The following ARFGEF2 variants were observed in gnomAD, a reference collection of about 807,000 sequenced individuals.
The protein encoded by ARFGEF2 is ARF guanine nucleotide exchange factor 2, also known as brefeldin A-inhibited guanine nucleotide-exchange protein 2.
In ARFGEF2, 74 loss-of-function variants were observed where a neutral mutation model predicts 219.9. The observed-to-expected ratio is 0.34, with a 90% CI of 0.28 to 0.41. The LOEUF (loss-of-function observed/expected upper bound fraction) is 0.41. Ranked by LOEUF, ARFGEF2 falls within the 10% of genes least tolerant of loss-of-function variation. The pLI, the probability that ARFGEF2 is intolerant of heterozygous loss-of-function variation, is 1.00. For missense variants in ARFGEF2, 1,743 were observed against 2,218.3 expected (o/e 0.79, Z 4.30); for synonymous variants, 733 against 799.2 (o/e 0.92, Z 1.40).
chr20:48,922,147 A>G (rs1235494150), intron 1 of ARFGEF2, 137 bp downstream of exon 1: 10 of 1,341,708 alleles, frequency 7.5e-6, no homozygotes, highest in Middle Eastern at 5.4e-4. Flanking sequence ...CCTCCTCCTC[A>G]TTATACCCCC....
chr20:49,012,108 A>G, intron 28 of ARFGEF2, 24 bp downstream of exon 28: 1 of 1,614,132 alleles, frequency 6.2e-7, no homozygotes, highest in Non-Finnish European at 8.5e-7. Context: ...CACCTTACTC[A>G]GATGGGCAGT....
intron 25 of ARFGEF2, among the ~76,000 whole-genome samples, 187 bp downstream of exon 25, chr20:48,998,692 A>G (rs1471724920): frequency 6.6e-6 from 1 of 152,236 alleles, no homozygotes; most frequent in African/African-American, 2.4e-5. Flanking sequence ...TTCATGTAGA[A>G]TGAATTAAAA....
chr20:48,955,122 C>T (rs1306726774), intron 6 of ARFGEF2, among the ~76,000 whole-genome samples: 1 of 152,144 alleles, frequency 6.6e-6, no homozygotes, highest in East Asian at 1.9e-4. Flanking sequence ...TTTGGTAATT[C>T]CCCATCCTGT....
At chr20:49,021,568 C>A (rs960552922) in intron 34 of ARFGEF2, among the ~76,000 whole-genome samples, 6 of 152,026 alleles carry the variant, frequency 3.9e-5, no homozygotes, top group African/African-American at 1.5e-4. Flanking sequence ...ATTGTTGGGG[C>A]CGGGCGCGGT....
intron 35 of ARFGEF2, among the ~76,000 whole-genome samples, chr20:49,023,829 C>T (rs1205076157): frequency 4.6e-5 from 7 of 152,106 alleles, no homozygotes; most frequent in Non-Finnish European, 7.4e-5. Context: ...TGAGCCACCG[C>T]GCCCGGCCTG....
chr20:48,999,746 T>TAAA lies in ARFGEF2; in HGVS notation c.3432+1261_3432+1263dup, dbSNP rs761792091. Among the ~76,000 whole-genome samples the TAAA allele has an allele frequency of 1.0e-3, 113 of 111,376 alleles. 1 individual carries two copies. Among genetic ancestry groups the TAAA allele is most frequent in the African/African-American group, 3.7e-3 (107 of 28,716 alleles). The allele number at this position is 111,376 out of a possible 152,430, so 73.1% of individuals were successfully genotyped here. A position where few individuals can be genotyped will look rare whatever the true frequency, so the allele number is the denominator to read the frequency against. On this transcript the variant is annotated intron_variant, in intron 25 of 38. Coordinates refer to ENST00000371917, the MANE Select transcript of ARFGEF2 (RefSeq NM_006420.3). ...TGGGCGACAGAGCGAGACTCCGTCTTAAAAAAAAAAAAAAAAAAAAAAGAA... is the reference window on the plus strand; with the variant it reads ...TGGGCGACAGAGCGAGACTCCGTCTTAAAAAAAAAAAAAAAAAAAAAAAAAGAA...
intron 1 of ARFGEF2, among the ~76,000 whole-genome samples, chr20:48,938,615 T>C (rs904641726): frequency 2.0e-5 from 3 of 152,242 alleles, no homozygotes; most frequent in African/African-American, 4.8e-5. Flanking sequence ...TACAGTTGGT[T>C]AATGTTAACT....
chr20:49,033,339 C>T lies in ARFGEF2; in HGVS notation c.*140C>T, dbSNP rs75190712. ...ATGGCCTGGAAACGGATGGCCTCTA[C>T]GCTGTTCCATCACAGTCTCCAACTA... On this transcript the variant is annotated 3_prime_UTR_variant, in exon 39 of 39. Coordinates refer to ENST00000371917, the MANE Select transcript of ARFGEF2 (RefSeq NM_006420.3). 1,118 of 902,708 alleles carry T rather than the reference C, an allele frequency of 1.2e-3. 3 individuals are homozygous for T. In the African/African-American group the frequency reaches 0.015, roughly 12 times the overall value. 55.9% of individuals were successfully genotyped at this position (902,708 alleles called of 1,614,324 possible).
intron 36 of ARFGEF2, among the ~76,000 whole-genome samples, chr20:49,028,135 G>C (rs1194670877): frequency 6.6e-6 from 1 of 152,194 alleles, no homozygotes; most frequent in African/African-American, 2.4e-5. Flanking sequence ...GTGGGCACCT[G>C]TAATCCCAGC....
intron 1 of ARFGEF2, among the ~76,000 whole-genome samples, chr20:48,927,725 C>T (rs2090887237): frequency 6.6e-6 from 1 of 151,744 alleles, no homozygotes; most frequent in South Asian, 2.1e-4. Flanking sequence ...AATAAATTGA[C>T]ATAACAAGAC....
At chr20:48,998,679 G>GC (rs2091406618) in intron 25 of ARFGEF2, among the ~76,000 whole-genome samples, 174 bp downstream of exon 25, 1 of 152,102 alleles carries the variant, frequency 6.6e-6, no homozygotes, top group Non-Finnish European at 1.5e-5. Flanking sequence ...TATATTGGTA[G>GC]CATTCATGTA....
intron 37 of ARFGEF2, among the ~76,000 whole-genome samples, chr20:49,028,926 A>C (rs900827583): frequency 6.6e-6 from 1 of 152,216 alleles, no homozygotes; most frequent in East Asian, 1.9e-4. Context: ...AAACATGGAC[A>C]GTGAAAAGTG....
chr20:48,964,304 C>T (rs2091174637), intron 7 of ARFGEF2, among the ~76,000 whole-genome samples: 1 of 152,190 alleles, frequency 6.6e-6, no homozygotes, highest in Non-Finnish European at 1.5e-5. Flanking sequence ...ATTCGGGAGG[C>T]TGAGGCAGGA....
intron 19 of ARFGEF2, 59 bp downstream of exon 19, chr20:48,989,495 C>G (rs187122797): frequency 1.2e-6 from 2 of 1,614,172 alleles, no homozygotes; most frequent in East Asian, 2.2e-5. Context: ...AGCTGGCCAG[C>G]GAGAAGTACT....
At chr20:48,970,380 G>GC (rs2091218264) in intron 9 of ARFGEF2, among the ~76,000 whole-genome samples, 1 of 152,134 alleles carries the variant, frequency 6.6e-6, no homozygotes, top group African/African-American at 2.4e-5. Flanking sequence ...GGAGGCCGAG[G>GC]CGGGCGGATC....
At chr20:49,015,932 T>A (rs1241845561) in intron 30 of ARFGEF2, among the ~76,000 whole-genome samples, 2 of 152,344 alleles carry the variant, frequency 1.3e-5, no homozygotes, top group South Asian at 4.1e-4. Context: ...TATGCATTTT[T>A]AAATATATAA....
chr20:48,987,364 A>T (rs1489216114), intron 16 of ARFGEF2, among the ~76,000 whole-genome samples: 1 of 152,236 alleles, frequency 6.6e-6, no homozygotes, highest in Non-Finnish European at 1.5e-5. Context: ...CTCATATCGT[A>T]TGAAGCTGTA....
intron 3 of ARFGEF2, among the ~76,000 whole-genome samples, chr20:48,942,873 C>T (rs182826705): frequency 1.2e-4 from 19 of 152,182 alleles, no homozygotes; most frequent in African/African-American, 4.3e-4. Context: ...TCCTGCAAGC[C>T]TTTAGTCTTC....
intron 7 of ARFGEF2, among the ~76,000 whole-genome samples, chr20:48,964,823 G>A (rs1460161592): frequency 6.6e-6 from 1 of 152,052 alleles, no homozygotes; most frequent in Admixed American, 6.5e-5. Context: ...AATCTTAATG[G>A]GTTTTCATCA....
Sources: allele counts gnomAD v4.1 joint callset (sites outside exome capture counted in the v4.1 genomes callset), GRCh38; gene constraint gnomAD v4.1.1; transcripts MANE v1.5; gene names NCBI Gene and HGNC (gene_info 2026-07-23, HGNC 2026-07-21).